IL17RE: variants seen among roughly 807,000 people sequenced by gnomAD.
IL17RE encodes interleukin-17 receptor E.
In IL17RE, 47 loss-of-function variants were observed where a neutral mutation model predicts 70.7. The observed-to-expected ratio is 0.67, with a 90% CI of 0.53 to 0.85. The LOEUF is 0.85. Among genes scored for constraint, IL17RE ranks in the 40% least tolerant of loss-of-function variants. The probability of loss-of-function intolerance (pLI) is 0.00; values close to 1 mark genes in which losing one functional copy is unlikely to be tolerated. For synonymous variants in IL17RE, 372 were observed against 381.2 expected (o/e 0.98, Z 0.28); for missense variants, 850 against 893.9 (o/e 0.95, Z 0.63).
rs890689798 is a variant in IL17RE at position 9,915,987 on chromosome 3, T to G, written c.*180T>G. ...AGCCCAGTCCCCGCGCGCGTCCCTC[T>G]TCCTCCTCATACTTTCCCTTGACTG... On this transcript the variant is annotated 3_prime_UTR_variant, in exon 16 of 16. Transcript: ENST00000383814. The surrounding 1 kb of genome is among the most constrained non-coding windows in gnomAD (Gnocchi z 4.9). The G allele has an allele frequency of 6.4e-6, 7 of 1,097,380 alleles. No individual in the cohort carries two copies. The highest frequency in any genetic ancestry group is 8.4e-6 in the Non-Finnish European group (7 of 835,434). 68.0% of individuals were successfully genotyped at this position (1,097,380 alleles called of 1,614,324 possible). A position where few individuals can be genotyped will look rare whatever the true frequency, so the allele number is the denominator to read the frequency against.
chr3:9,911,374 C>T, intron 11 of IL17RE, 69 bp from the exon 12 acceptor site: 11 of 1,612,708 alleles, frequency 6.8e-6, no homozygotes, highest in Non-Finnish European at 9.3e-6. Context: ...CAAGCTAAAC[C>T]CCAGCCCAGC....
At chr3:9,902,799 G>C (rs1559264844), upstream of IL17RE, 23 of 1,557,092 alleles carry the variant, frequency 1.5e-5, no homozygotes, top group South Asian at 2.6e-4. Flanking sequence ...AGGAGCTTTC[G>C]GGCAGGGCGG....
chr3:9,912,311 G>A (rs1003158752), intron 12 of IL17RE, among the ~76,000 whole-genome samples: 7 of 152,002 alleles, frequency 4.6e-5, no homozygotes, highest in East Asian at 3.9e-4. Flanking sequence ...CAAAAAGGTC[G>A]GGGACCACTG....
intron 3 of IL17RE, among the ~76,000 whole-genome samples, chr3:9,904,657 G>C (rs2082711118): frequency 6.6e-6 from 1 of 152,228 alleles, no homozygotes; most frequent in Non-Finnish European, 1.5e-5. Context: ...CCTGGTGGCA[G>C]GCACCTGTAA....
chr3:9,907,273 C>A (rs942118345), intron 6 of IL17RE, among the ~76,000 whole-genome samples, 173 bp downstream of exon 6: 12 of 152,218 alleles, frequency 7.9e-5, no homozygotes, highest in African/African-American at 2.2e-4. Context: ...CATGGTGGCT[C>A]ACACCTGTGG....
chr3:9,906,672 C>T (rs1212925147), intron 4 of IL17RE, 34 bp from the exon 5 acceptor site: 1 of 1,610,262 alleles, frequency 6.2e-7, no homozygotes, highest in Non-Finnish European at 8.5e-7. Flanking sequence ...TTCCTGATTT[C>T]TGGCCTGAGG....
At chr3:9,912,253 T>G (rs1466498261) in intron 12 of IL17RE, among the ~76,000 whole-genome samples, 4 of 152,222 alleles carry the variant, frequency 2.6e-5, no homozygotes, top group African/African-American at 7.2e-5. Flanking sequence ...CCCCAACCCC[T>G]TCAACCTCTG....
Position 9,908,323 on chromosome 3 carries a change from G to A in IL17RE, c.735+16G>A. 1 of 1,611,072 alleles carries A rather than the reference G, an allele frequency of 6.2e-7. No individual in the cohort carries two copies. On this transcript the variant is annotated intron_variant, in intron 7 of 15. Coordinates refer to ENST00000383814, the MANE Select transcript of IL17RE (RefSeq NM_153480.2). ...GTGCATAGAGGTGAGCAAAGGAAAA[G>A]GTGTGGGCTGTCCATGGCTCTGCTC...
intron 7 of IL17RE, 86 bp from the exon 8 acceptor site, chr3:9,909,131 A>G (rs2082829151): frequency 1.7e-6 from 2 of 1,157,882 alleles, no homozygotes; most frequent in African/African-American, 3.0e-5. Flanking sequence ...GCGTCACAGT[A>G]AGGTAAAGCC....
rs2082831976 is a variant in IL17RE at position 9,909,245 on chromosome 3, G to A, written c.764G>A (p.Arg255Lys). 1.9e-6 allele frequency: 3 copies of A among 1,614,088 alleles called. No individual in the cohort carries two copies. The East Asian group carries it at 6.7e-5, about 36-fold the overall frequency. ...EASYLQEDTVRRKKCPFQSWP... is the reference protein window; with the variant it reads ...EASYLQEDTVKRKKCPFQSWP... ...TCCTACCTGCAAGAGGACACTGTGA[G>A]GCGCAAAAAATGTCCCTTCCAGAGC... Residue 255 changes from arginine to lysine, a missense_variant, in exon 8 of 16, where the codon AGG becomes AAG. Coordinates refer to ENST00000383814, the MANE Select transcript of IL17RE (RefSeq NM_153480.2).
chr3:9,905,898 T>G (rs1373690603), intron 3 of IL17RE, among the ~76,000 whole-genome samples: 6 of 152,232 alleles, frequency 3.9e-5, no homozygotes, highest in Non-Finnish European at 8.8e-5. Context: ...AATTAATCTT[T>G]TCTTGATTGC....
Position 9,907,016 on chromosome 3 carries a change from A to C in IL17RE, c.582A>C (p.Ile194=), listed in dbSNP as rs1373389006. 2 of 1,613,936 alleles carry C rather than the reference A, an allele frequency of 1.2e-6. No individual in the cohort carries two copies. Among genetic ancestry groups the C allele is most frequent in the Non-Finnish European group, 1.7e-6 (2 of 1,180,020 alleles). ...AGGCCCGGGCTATTCGGGTGACCAT[A>C]TCTTCAGGCCCTGAGGTCAGCGTGC... ...LPEARAIRVT[I]SSGPEVSVRL... The change falls in exon 6 of 16, where the codon ATA becomes ATC. Residue 194 remains isoleucine (I), a synonymous_variant. Transcript: ENST00000383814.
intron 12 of IL17RE, among the ~76,000 whole-genome samples, chr3:9,912,292 C>T (rs1191568691): frequency 6.6e-6 from 1 of 152,126 alleles, no homozygotes; most frequent in Non-Finnish European, 1.5e-5. Flanking sequence ...TGAAACCAGT[C>T]CCTGGTGCCA....
chr3:9,906,702 T>G lies in IL17RE; in HGVS notation c.367-4T>G. 2.5e-6 allele frequency: 4 copies of G among 1,614,136 alleles called. No individual in the cohort carries two copies. Among genetic ancestry groups the G allele is most frequent in the East Asian group, 2.2e-5 (1 of 44,890 alleles). The stretch of plus-strand genomic sequence containing the variant: ...CTGAGGCCAACCTTGTTCTCTGCCT[T>G]TAGAGGAAGCTGCTGCCTCGTCGTC... On this transcript the variant is annotated splice_polypyrimidine_tract_variant and splice_region_variant and intron_variant, in intron 4 of 15. Transcript: ENST00000383814.
rs750291269 is a variant in IL17RE, at chr3:9,906,999, G to C, written c.565G>C (p.Ala189Pro). ...FSFDLLPEAR[A>P]IRVTISSGPE... ...CTTTGATTTGCTGCCTGAGGCCCGG[G>C]CTATTCGGGTGACCATATCTTCAGG... The change falls in exon 6 of 16, where the codon GCT becomes CCT. Residue 189 changes from alanine to proline, a missense_variant. Physicochemically the swap from Ala to Pro is conservative, Grantham distance 27 (BLOSUM62 -1). Transcript: ENST00000383814. The C allele has an allele frequency of 3.7e-6, 6 of 1,614,146 alleles. No individual in the cohort carries two copies. The highest frequency in any genetic ancestry group is 5.1e-6 in the Non-Finnish European group (6 of 1,180,020).
intron 13 of IL17RE, among the ~76,000 whole-genome samples, 170 bp downstream of exon 13, chr3:9,914,194 C>T (rs1183770457): frequency 6.6e-6 from 1 of 152,234 alleles, no homozygotes; most frequent in Non-Finnish European, 1.5e-5. Flanking sequence ...GGATTTCTGG[C>T]CTCTGTTGAA....
At chr3:9,911,781 G>A in intron 12 of IL17RE, 184 bp downstream of exon 12, 1 of 529,044 alleles carries the variant, frequency 1.9e-6, no homozygotes, top group Admixed American at 3.6e-5. Context: ...TTCCTCAAGG[G>A]AGCATTTTCT....
chr3:9,902,457 T>C (rs2082660606), upstream of IL17RE, among the ~76,000 whole-genome samples: 1 of 152,176 alleles, frequency 6.6e-6, no homozygotes, highest in Non-Finnish European at 1.5e-5. Flanking sequence ...CTCAGTCACC[T>C]CTGTATCTCC....
chr3:9,907,201 G>T, intron 6 of IL17RE, 101 bp downstream of exon 6: 1 of 1,468,082 alleles, frequency 6.8e-7, no homozygotes. Flanking sequence ...GAGAGGGATG[G>T]TAACTGTCCA....
Sources: allele counts gnomAD v4.1 joint callset (sites outside exome capture counted in the v4.1 genomes callset), GRCh38; gene constraint gnomAD v4.1.1; non-coding constraint Gnocchi (gnomAD v3.1); transcripts MANE v1.5; gene names NCBI Gene and HGNC (gene_info 2026-07-23, HGNC 2026-07-21).